TENM3: variants seen among roughly 807,000 people sequenced by gnomAD.
TENM3 encodes teneurin-3.
A neutral mutation model predicts 255.1 loss-of-function variants in TENM3; 63 were observed. The ratio of observed to expected loss-of-function variants is 0.25; its 90% CI spans 0.20 to 0.30. The LOEUF (loss-of-function observed/expected upper bound fraction) is 0.30, where lower values mean the gene tolerates loss of function less well. TENM3 is among the 10% of genes least tolerant of loss of function. The pLI, the probability that TENM3 is intolerant of heterozygous loss-of-function variation, is 1.00. For synonymous variants in TENM3, 1,306 were observed against 1,322.3 expected (o/e 0.99, Z 0.27); for missense variants, 2,929 against 3,461.1 (o/e 0.85, Z 3.86).
At chr4:181,452,059 A>G in the TENM3 span, among the ~76,000 whole-genome samples, 6 of 152,280 alleles carry the variant, frequency 3.9e-5, no homozygotes, top group African/African-American at 1.2e-4. Flanking sequence ...GGGCATTTCA[A>G]TATGGTGCTA....
chr4:182,534,507 A>G (rs888667989), intron 3 of TENM3, among the ~76,000 whole-genome samples: 1 of 152,210 alleles, frequency 6.6e-6, no homozygotes, highest in African/African-American at 2.4e-5. Context: ...TTTGTAACCT[A>G]ATTAGAAAAA....
chr4:181,972,298 A>G, the TENM3 span, among the ~76,000 whole-genome samples: 2 of 151,936 alleles, frequency 1.3e-5, no homozygotes, highest in African/African-American at 2.4e-5. Context: ...GCATGCCTGT[A>G]GTCCCAGCTA....
intron 3 of TENM3, among the ~76,000 whole-genome samples, chr4:182,538,456 G>A (rs1439020047): frequency 6.6e-6 from 1 of 152,170 alleles, no homozygotes; most frequent in African/African-American, 2.4e-5. Flanking sequence ...ACAGGTAAAG[G>A]GTAGAGCATA....
At chr4:181,544,436 A>AAAAAAAAC in the TENM3 span, among the ~76,000 whole-genome samples, 1 of 138,150 alleles carries the variant, frequency 7.2e-6, no homozygotes, top group African/African-American at 2.8e-5. Context: ...AAAAAAAAAA[A>AAAAAAAAC]CTATAACTCG....
At chr4:181,552,056 G>A in the TENM3 span, among the ~76,000 whole-genome samples, 2 of 151,612 alleles carry the variant, frequency 1.3e-5, no homozygotes, top group African/African-American at 4.8e-5. Flanking sequence ...GAGAGAGACA[G>A]TGTGTGTGTG....
In TENM3 at chr4:182,177,312, C is replaced by G. The variant is rs146204465; in HGVS notation, c.-76+32558C>G. Among the ~76,000 whole-genome samples, 273 of 152,146 alleles carry G rather than the reference C, an allele frequency of 1.8e-3. 1 individual carries two copies. Among genetic ancestry groups the G allele is most frequent in the African/African-American group, 6.3e-3 (263 of 41,514 alleles). ...GCGCCAGATGAAGTAGCCCCAAACA[C>G]TTTCACTTTCTCAATCTAAAAAATA... On this transcript the variant is annotated intron_variant, in intron 1 of 2. Coordinates refer to the TENM3 transcript ENST00000512480.
chr4:182,731,467 A>G (rs1302542941), intron 16 of TENM3, among the ~76,000 whole-genome samples: 1 of 152,050 alleles, frequency 6.6e-6, no homozygotes, highest in African/African-American at 2.4e-5. Flanking sequence ...GAGATCACAC[A>G]CTACTGCACT....
At chr4:181,723,331 C>G in the TENM3 span, among the ~76,000 whole-genome samples, 3 of 151,032 alleles carry the variant, frequency 2.0e-5, no homozygotes, top group African/African-American at 7.3e-5. Flanking sequence ...TCCTTTGATT[C>G]TTGATGGCTT....
intron 2 of TENM3, among the ~76,000 whole-genome samples, chr4:182,330,655 G>A (rs776929501): frequency 1.1e-4 from 16 of 152,194 alleles, no homozygotes; most frequent in African/African-American, 3.4e-4. Flanking sequence ...CAGAGACCAC[G>A]TCAACAGTGT....
At chr4:182,433,291 G>A (rs62339006) in intron 3 of TENM3, among the ~76,000 whole-genome samples, 2,021 of 152,264 alleles carry the variant, frequency 0.013, 23 homozygotes, top group Non-Finnish European at 0.02. Context: ...TGGACGCAGG[G>A]AATGCAGGAT....
At chr4:181,651,449 A>C in the TENM3 span, among the ~76,000 whole-genome samples, 1 of 152,080 alleles carries the variant, frequency 6.6e-6, no homozygotes, top group Non-Finnish European at 1.5e-5. Context: ...TTACCTGGAC[A>C]TGGTGGCATG....
At chr4:181,601,574 T>C in the TENM3 span, among the ~76,000 whole-genome samples, 1 of 152,218 alleles carries the variant, frequency 6.6e-6, no homozygotes, top group Non-Finnish European at 1.5e-5. Flanking sequence ...TCTAAATTGT[T>C]ACATGTACTT....
chr4:182,552,282 A>G (rs1026243609), intron 3 of TENM3, among the ~76,000 whole-genome samples: 4 of 152,144 alleles, frequency 2.6e-5, no homozygotes, highest in Non-Finnish European at 2.9e-5. Context: ...CACCATCTCT[A>G]CAAAAGAAAA....
At chr4:182,703,339 G>T (rs910054754) in intron 12 of TENM3, among the ~76,000 whole-genome samples, 1 of 152,206 alleles carries the variant, frequency 6.6e-6, no homozygotes, top group Admixed American at 6.5e-5. Context: ...ACAAAAAATG[G>T]TTTGAGGAAA....
the TENM3 span, among the ~76,000 whole-genome samples, chr4:182,121,240 C>T: frequency 3.4e-4 from 52 of 152,142 alleles, no homozygotes; most frequent in South Asian, 6.2e-4. Context: ...TCAAGTGATC[C>T]GCCCAACTCG....
the TENM3 span, among the ~76,000 whole-genome samples, chr4:181,720,096 G>A: frequency 7.0e-4 from 107 of 152,088 alleles, 1 homozygote; most frequent in Middle Eastern, 0.014. Context: ...AATTTTTATC[G>A]TATATTTAGA....
chr4:182,086,127 T>G, the TENM3 span, among the ~76,000 whole-genome samples: 29 of 152,272 alleles, frequency 1.9e-4, no homozygotes, highest in African/African-American at 6.3e-4. Flanking sequence ...GATGTCAATA[T>G]TAAACTATTA....
chr4:181,788,877 C>G, the TENM3 span, among the ~76,000 whole-genome samples: 22 of 152,306 alleles, frequency 1.4e-4, 1 homozygote, highest in Middle Eastern at 6.8e-3. Flanking sequence ...AGATTACAGG[C>G]ATGAGCCACT....
At chr4:182,354,626 T>G (rs911532301) in intron 3 of TENM3, among the ~76,000 whole-genome samples, 1 of 152,238 alleles carries the variant, frequency 6.6e-6, no homozygotes, top group Non-Finnish European at 1.5e-5. Context: ...ATGATTATCT[T>G]GTACATTATT....
Sources: allele counts gnomAD v4.1 joint callset (sites outside exome capture counted in the v4.1 genomes callset), GRCh38; gene constraint gnomAD v4.1.1; transcripts MANE v1.5; gene names NCBI Gene and HGNC (gene_info 2026-07-23, HGNC 2026-07-21).